Variants in IL1RL1 observed in about 807,000 individuals in gnomAD.
IL1RL1 encodes interleukin 1 receptor like 1.
In IL1RL1, 32 loss-of-function variants were observed where a neutral mutation model predicts 50.9. That is an observed-to-expected ratio of 0.63 (90% confidence interval 0.47 to 0.84). The LOEUF is 0.84. Among genes scored for constraint, IL1RL1 ranks in the 40% least tolerant of loss-of-function variants. The pLI, the probability that IL1RL1 is intolerant of heterozygous loss-of-function variation, is 0.00. For synonymous variants in IL1RL1, 275 were observed against 236.0 expected, an observed-to-expected ratio of 1.17 and a Z score of -1.51; for missense variants, 773 against 662.9, an observed-to-expected ratio of 1.17 and a Z score of -1.82.
chr2:102,338,316 G>A lies in IL1RL1; in HGVS notation c.52G>A (p.Ala18Thr). 1.3e-6 allele frequency: 2 copies of A among 1,586,832 alleles called. No individual in the cohort carries two copies. Among genetic ancestry groups the A allele is most frequent in the Non-Finnish European group, 1.7e-6 (2 of 1,157,868 alleles). Residue 18 changes from alanine (A) to threonine (T), a missense_variant, in exon 2 of 11, where the codon GCA (alanine) becomes ACA (threonine). By Grantham distance (58) the Ala-to-Thr change is moderately conservative. Coordinates refer to ENST00000233954, the MANE Select transcript of IL1RL1 (RefSeq NM_016232.5). ...ILTILMYSTA[A>T]KFSKQSWGLE... Reference sequence around the variant, plus strand: ...CACAATTCTCATGTATTCCACAGCAGCAAAGTTTAGTAAGTATTGCCTTCT... The same window carrying A: ...CACAATTCTCATGTATTCCACAGCAACAAAGTTTAGTAAGTATTGCCTTCT...
At chr2:102,313,231 T>A (rs1676573660) in intron 1 of IL1RL1, 1 of 152,162 alleles carries the variant, frequency 6.6e-6, no homozygotes, top group Non-Finnish European at 1.5e-5. Flanking sequence ...GAAGGTTAAA[T>A]GGGTGTAAGT....
chr2:102,319,138 G>A (rs1676763119), intron 1 of IL1RL1, among the ~76,000 whole-genome samples: 1 of 152,000 alleles, frequency 6.6e-6, no homozygotes, highest in Non-Finnish European at 1.5e-5. Context: ...TTTGGGAATA[G>A]AACTTATTGC....
chr2:102,319,510 A>G (rs767502410), intron 1 of IL1RL1, among the ~76,000 whole-genome samples: 1 of 152,220 alleles, frequency 6.6e-6, no homozygotes, highest in Admixed American at 6.5e-5. Context: ...GATAAAATGT[A>G]CATGTAGGTG....
chr2:102,313,844 T>G (rs576639320), intron 1 of IL1RL1, among the ~76,000 whole-genome samples: 1 of 152,334 alleles, frequency 6.6e-6, no homozygotes, highest in South Asian at 2.1e-4. Context: ...TGTGTGTGCG[T>G]GCACTTGCAT....
intron 1 of IL1RL1, among the ~76,000 whole-genome samples, chr2:102,331,758 T>C (rs889540751): frequency 6.6e-5 from 10 of 152,222 alleles, no homozygotes; most frequent in African/African-American, 2.4e-4. Context: ...TGGTCATCTG[T>C]ACTGGTTCAT....
At chr2:102,335,535 A>G (rs1030852192) in intron 1 of IL1RL1, among the ~76,000 whole-genome samples, 4 of 152,334 alleles carry the variant, frequency 2.6e-5, no homozygotes, top group African/African-American at 7.2e-5. Flanking sequence ...TAAGTACCAC[A>G]GAGTATTGTA....
intron 10 of IL1RL1, 138 bp from the exon 11 acceptor site, chr2:102,351,397 CT>C (rs35338787): frequency 1.4e-6 from 1 of 738,724 alleles, no homozygotes; most frequent in Non-Finnish European, 2.2e-6. Flanking sequence ...TCCACACATA[CT>C]TCCACTTCTC....
intron 1 of IL1RL1, among the ~76,000 whole-genome samples, chr2:102,330,438 T>C (rs1417136061): frequency 6.6e-6 from 1 of 152,194 alleles, no homozygotes; most frequent in African/African-American, 2.4e-5. Flanking sequence ...CATGTATACA[T>C]ATGTAAAAAA....
chr2:102,316,259 T>C (rs1489233250), intron 1 of IL1RL1, among the ~76,000 whole-genome samples: 1 of 152,252 alleles, frequency 6.6e-6, no homozygotes, highest in Non-Finnish European at 1.5e-5. Context: ...CTGCTAAGAC[T>C]TGTCTGTCCC....
chr2:102,342,838 A>C (rs1375587786), intron 6 of IL1RL1, among the ~76,000 whole-genome samples, 198 bp from the exon 7 acceptor site: 2 of 152,090 alleles, frequency 1.3e-5, no homozygotes, highest in African/African-American at 4.8e-5. Context: ...CTTCAAACCC[A>C]GCTGGGTGAA....
At chr2:102,321,905 C>T (rs1051297240) in intron 1 of IL1RL1, among the ~76,000 whole-genome samples, 5 of 152,126 alleles carry the variant, frequency 3.3e-5, no homozygotes, top group African/African-American at 9.7e-5. Context: ...TAAAACAGTC[C>T]GAAGTCAAAC....
intron 8 of IL1RL1, among the ~76,000 whole-genome samples, chr2:102,346,929 A>G (rs1204033311): frequency 6.6e-6 from 1 of 152,222 alleles, no homozygotes; most frequent in Non-Finnish European, 1.5e-5. Flanking sequence ...TCTCACATTC[A>G]TCAGTGCATA....
At chr2:102,314,939 A>G (rs1170054054) in intron 1 of IL1RL1, among the ~76,000 whole-genome samples, 1 of 152,110 alleles carries the variant, frequency 6.6e-6, no homozygotes, top group African/African-American at 2.4e-5. Flanking sequence ...GGGTGCTGGA[A>G]GATTCTGAGT....
At chr2:102,349,590 G>C (rs1418097955) in intron 10 of IL1RL1, among the ~76,000 whole-genome samples, 3 of 152,130 alleles carry the variant, frequency 2.0e-5, no homozygotes, top group Non-Finnish European at 4.4e-5. Context: ...TTTGAAAGAG[G>C]ACTTAAAAAT....
intron 1 of IL1RL1, among the ~76,000 whole-genome samples, chr2:102,335,886 T>C (rs1442263913): frequency 6.6e-6 from 1 of 152,160 alleles, no homozygotes; most frequent in Admixed American, 6.5e-5. Context: ...ACTGCAATAA[T>C]ATCCTGATAA....
At chr2:102,343,644 G>A (rs1559605736) in intron 8 of IL1RL1, 14 of 1,422,944 alleles carry the variant, frequency 9.8e-6, no homozygotes, top group South Asian at 6.1e-5. Context: ...CCCTCCTATC[G>A]TTGGTTTGTC....
In IL1RL1 at chr2:102,340,786, G is replaced by C; in HGVS notation, c.568G>C (p.Ala190Pro). 6.3e-7 allele frequency: 1 copy of C among 1,586,842 alleles called. No homozygotes were observed. Residue 190 changes from alanine (A) to proline (P), a missense_variant, in exon 5 of 11, where the codon GCC becomes CCC. Coordinates refer to ENST00000233954, the MANE Select transcript of IL1RL1 (RefSeq NM_016232.5). Reference protein sequence around the residue: ...TCKFIHNENGANYSVTATRSF... With the variant: ...TCKFIHNENGPNYSVTATRSF... ...TAAATTTATACACAATGAAAATGGA[G>C]CCAATTATAGTGTGACGGCGACCAG...
At chr2:102,350,190 G>T (rs765706290) in intron 10 of IL1RL1, among the ~76,000 whole-genome samples, 5 of 152,240 alleles carry the variant, frequency 3.3e-5, no homozygotes, top group South Asian at 4.1e-4. Flanking sequence ...GCAGGTAGAA[G>T]TAATGAGTAA....
chr2:102,311,749 A>AATAATAT (rs1676477487), intron 1 of IL1RL1, 126 bp downstream of exon 1: 1 of 124,150 alleles, frequency 8.1e-6, no homozygotes, highest in South Asian at 2.2e-4. Context: ...TATATGTTAT[A>AATAATAT]ATAATATATA....
Sources: allele counts gnomAD v4.1 joint callset (sites outside exome capture counted in the v4.1 genomes callset), GRCh38; gene constraint gnomAD v4.1.1; transcripts MANE v1.5; gene names NCBI Gene and HGNC (gene_info 2026-07-23, HGNC 2026-07-21).